Variants in LARGE1 observed in about 807,000 individuals in gnomAD.
The protein encoded by LARGE1 is xylosyl- and glucuronyltransferase LARGE1.
LARGE1 carries 43 observed loss-of-function variants against 87.6 expected under a neutral mutation model. The ratio of observed to expected loss-of-function variants is 0.49; its 90% CI spans 0.38 to 0.63. The LOEUF is 0.63. Ranked by LOEUF, LARGE1 falls within the 30% of genes least tolerant of loss-of-function variation. The probability of loss-of-function intolerance (pLI) is 0.00; values close to 1 mark genes in which losing one functional copy is unlikely to be tolerated. For synonymous variants in LARGE1, 434 were observed against 394.6 expected (o/e 1.10, Z -1.18); for missense variants, 802 against 1,000.2 (o/e 0.80, Z 2.67).
the LARGE1 span, among the ~76,000 whole-genome samples, chr22:33,149,209 T>A: frequency 8.4e-6 from 1 of 118,470 alleles, no homozygotes; most frequent in Non-Finnish European, 1.9e-5. Flanking sequence ...GCTAATTATT[T>A]TTTTAATATT....
chr22:33,740,454 C>T (rs1409751519), intron 2 of LARGE1, among the ~76,000 whole-genome samples: 1 of 152,164 alleles, frequency 6.6e-6, no homozygotes, highest in Non-Finnish European at 1.5e-5. Flanking sequence ...CTCCTGGTTT[C>T]CTCCGAGGAC....
At chr22:33,181,534 C>CTT (rs137369) in intron 11 of LARGE1, among the ~76,000 whole-genome samples, 48,853 of 145,850 alleles carry the variant, frequency 0.33, 8,505 homozygotes, top group Non-Finnish European at 0.39. Context: ...CTACATTACT[C>CTT]TTTTTTTTTT....
intron 5 of LARGE1, among the ~76,000 whole-genome samples, chr22:33,570,450 C>A (rs2078161775): frequency 6.6e-6 from 1 of 151,926 alleles, no homozygotes; most frequent in Non-Finnish European, 1.5e-5. Flanking sequence ...GATATCGAGA[C>A]CACCCTGGCC....
chr22:33,187,523 A>G (rs1192029962), intron 11 of LARGE1, among the ~76,000 whole-genome samples: 1 of 152,114 alleles, frequency 6.6e-6, no homozygotes, highest in African/African-American at 2.4e-5. Context: ...AAATGTTAGT[A>G]GAAGAATAGC....
intron 6 of LARGE1, among the ~76,000 whole-genome samples, chr22:33,542,162 CAAA>C (rs150998193): frequency 3.2e-5 from 3 of 92,680 alleles, no homozygotes; most frequent in African/African-American, 8.2e-5. Context: ...AACTCTGTCT[CAAA>C]AAAAAAAAAA....
chr22:33,888,983 T>C (rs920463883), intron 1 of LARGE1, among the ~76,000 whole-genome samples: 2 of 152,234 alleles, frequency 1.3e-5, no homozygotes, highest in African/African-American at 4.8e-5. Flanking sequence ...GTTACACATT[T>C]AAGTTCCTGA....
At chr22:33,237,375 C>G (rs991515699) in intron 11 of LARGE1, among the ~76,000 whole-genome samples, 13 of 151,940 alleles carry the variant, frequency 8.6e-5, no homozygotes, top group African/African-American at 3.1e-4. Flanking sequence ...CTGGTTCTGT[C>G]CTCTTAACCT....
chr22:33,097,954 T>G, the LARGE1 span, among the ~76,000 whole-genome samples: 2 of 152,200 alleles, frequency 1.3e-5, no homozygotes, highest in African/African-American at 4.8e-5. Flanking sequence ...TTCTATCTCA[T>G]ACACTTAGCA....
chr22:33,384,120 A>G (rs2065247163), intron 8 of LARGE1, 72 bp downstream of exon 8: 2 of 1,063,104 alleles, frequency 1.9e-6, no homozygotes, highest in Admixed American at 1.7e-5. Context: ...GATCGATTTA[A>G]TTTTAAGTTT....
At chr22:33,566,064 A>G (rs1436665528) in intron 5 of LARGE1, among the ~76,000 whole-genome samples, 1 of 117,024 alleles carries the variant, frequency 8.5e-6, no homozygotes, top group Admixed American at 9.6e-5. Flanking sequence ...TCAGGATTCC[A>G]AAAAATATTG....
At chr22:33,548,539 C>T (rs1972208) in intron 6 of LARGE1, among the ~76,000 whole-genome samples, 52,485 of 151,976 alleles carry the variant, frequency 0.35, 10,760 homozygotes, top group Non-Finnish European at 0.45. Flanking sequence ...CCTTAGCCTC[C>T]CGAGTAGCTG....
In LARGE1 at chr22:33,428,312, TTA is replaced by T. The variant is rs200285159; in HGVS notation, c.892+3847_892+3848del. Among the ~76,000 whole-genome samples the T allele has an allele frequency of 9.6e-3, 1,282 of 132,948 alleles. 23 individuals carry two copies. The highest frequency in any genetic ancestry group is 0.036 in the African/African-American group (1,228 of 34,506). The allele number at this position is 132,948 out of a possible 152,430, so 87.2% of individuals were successfully genotyped here. On this transcript the variant is annotated intron_variant, in intron 7 of 14. Transcript: ENST00000397394. Reference sequence around the variant, plus strand: ...TGCTAATCCTCACATACTAGGTTTGTTATGTCTTTTTTTTTTTTTTTTGAGAC... The same window carrying T: ...TGCTAATCCTCACATACTAGGTTTGTTGTCTTTTTTTTTTTTTTTTGAGAC...
chr22:33,339,192 G>A (rs1938862677), intron 9 of LARGE1, among the ~76,000 whole-genome samples: 1 of 151,162 alleles, frequency 6.6e-6, no homozygotes, highest in Non-Finnish European at 1.5e-5. Context: ...AGAAATGAGA[G>A]CTGAAGAATG....
chr22:33,856,338 G>C (rs974994087), intron 1 of LARGE1, among the ~76,000 whole-genome samples: 18 of 152,090 alleles, frequency 1.2e-4, no homozygotes, highest in Non-Finnish European at 5.9e-5. Flanking sequence ...TGGGTGGGTG[G>C]TGGGTCTAAG....
chr22:33,244,063 A>G (rs1926642740), intron 11 of LARGE1, among the ~76,000 whole-genome samples: 1 of 151,940 alleles, frequency 6.6e-6, no homozygotes, highest in African/African-American at 2.4e-5. Flanking sequence ...ATCTCGGCTC[A>G]CTGTAAGCTC....
intron 1 of LARGE1, among the ~76,000 whole-genome samples, chr22:33,816,754 A>G (rs1332933037): frequency 6.6e-6 from 1 of 152,334 alleles, no homozygotes; most frequent in East Asian, 1.9e-4. Flanking sequence ...AGACAGATAC[A>G]GACAGACAAT....
intron 1 of LARGE1, among the ~76,000 whole-genome samples, chr22:33,901,128 T>C (rs934755823): frequency 6.6e-6 from 1 of 151,376 alleles, no homozygotes; most frequent in African/African-American, 2.4e-5. Context: ...AAGAAGAAAA[T>C]AGCTATGTGA....
At chr22:33,455,464 G>A (rs142894963) in intron 6 of LARGE1, among the ~76,000 whole-genome samples, 1 of 152,214 alleles carries the variant, frequency 6.6e-6, no homozygotes, top group Admixed American at 6.5e-5. Context: ...TTAGACCATG[G>A]TGAGCTGCTA....
At chr22:33,476,708 C>A (rs985189868) in intron 6 of LARGE1, among the ~76,000 whole-genome samples, 3 of 143,490 alleles carry the variant, frequency 2.1e-5, no homozygotes, top group Admixed American at 1.4e-4. Context: ...CCCCGCCCCC[C>A]AGCCCAAAGA....
Sources: allele counts gnomAD v4.1 joint callset (sites outside exome capture counted in the v4.1 genomes callset), GRCh38; gene constraint gnomAD v4.1.1; transcripts MANE v1.5; gene names NCBI Gene and HGNC (gene_info 2026-07-23, HGNC 2026-07-21).